The following KDM4C variants were observed in gnomAD, a reference collection of about 807,000 sequenced individuals.
KDM4C encodes the protein lysine-specific demethylase 4C.
In KDM4C, 81 loss-of-function variants were observed where a neutral mutation model predicts 129.3. The observed-to-expected ratio is 0.63, with a 90% CI of 0.52 to 0.75. The LOEUF (loss-of-function observed/expected upper bound fraction) is 0.75, where lower values mean the gene tolerates loss of function less well. KDM4C is among the 30% of genes least tolerant of loss of function. KDM4C has a pLI of 0.00. For missense variants in KDM4C, 1,457 were observed against 1,304.0 expected, an observed-to-expected ratio of 1.12 and a Z score of -1.81; for synonymous variants, 573 against 456.1, an observed-to-expected ratio of 1.26 and a Z score of -3.26.
chr9:6,807,425 C>A (rs891513199), intron 3 of KDM4C, among the ~76,000 whole-genome samples: 1 of 144,974 alleles, frequency 6.9e-6, no homozygotes, highest in South Asian at 2.2e-4. Context: ...GCCATCCCAT[C>A]TAGGAAGTGA....
chr9:6,869,526 T>G (rs549326886), intron 5 of KDM4C, among the ~76,000 whole-genome samples: 1 of 152,360 alleles, frequency 6.6e-6, no homozygotes, highest in East Asian at 1.9e-4. Context: ...GGAATAATAC[T>G]GCTCACAGTG....
chr9:6,839,629 G>A (rs2129776271), intron 4 of KDM4C, among the ~76,000 whole-genome samples: 1 of 152,224 alleles, frequency 6.6e-6, no homozygotes, highest in South Asian at 2.1e-4. Context: ...ACATGTGGCT[G>A]GGCATGGTGG....
chr9:6,925,929 T>C (rs994769060), intron 8 of KDM4C, among the ~76,000 whole-genome samples: 5 of 152,138 alleles, frequency 3.3e-5, no homozygotes, highest in African/African-American at 4.8e-5. Context: ...GCTTGGGATA[T>C]TAGGATTAGC....
intron 18 of KDM4C, among the ~76,000 whole-genome samples, chr9:7,112,892 T>A (rs7021692): frequency 6.6e-6 from 1 of 151,948 alleles, no homozygotes; most frequent in African/African-American, 2.4e-5. Context: ...GTTTTGCCGA[T>A]GATAGAATTG....
rs923733723 is a variant in KDM4C at position 6,748,120 on chromosome 9, C to T, written c.49+27123C>T. On this transcript the variant is annotated intron_variant, in intron 1 of 17. Transcript: ENST00000536108. ...GGCAGAGGTTGCAGTGAGCAGAGAT[C>T]GCACCACTGCACTCCAGCCTGAGTA... Among the ~76,000 whole-genome samples the T allele has an allele frequency of 2.5e-4, 38 of 151,072 alleles. 1 individual carries two copies. Among genetic ancestry groups the T allele is most frequent in the Non-Finnish European group, 2.1e-4 (14 of 67,874 alleles).
At chr9:6,750,141 G>A (rs1224618320) in intron 1 of KDM4C, among the ~76,000 whole-genome samples, 1 of 151,570 alleles carries the variant, frequency 6.6e-6, no homozygotes, top group Non-Finnish European at 1.5e-5. Context: ...ATTTCTTAGA[G>A]GTAAGACAGC....
chr9:6,785,223 A>G (rs1825212137), intron 1 of KDM4C, among the ~76,000 whole-genome samples: 1 of 152,110 alleles, frequency 6.6e-6, no homozygotes, highest in Non-Finnish European at 1.5e-5. Context: ...CCTTTGTTGT[A>G]GTTTCTTGTG....
intron 4 of KDM4C, among the ~76,000 whole-genome samples, chr9:6,831,128 C>T (rs1417648842): frequency 6.6e-6 from 1 of 152,040 alleles, no homozygotes; most frequent in Non-Finnish European, 1.5e-5. Flanking sequence ...ATCCACTAGT[C>T]AGTGGGGGAA....
At chr9:6,745,379 G>C (rs1045476415) in intron 1 of KDM4C, among the ~76,000 whole-genome samples, 1 of 151,918 alleles carries the variant, frequency 6.6e-6, no homozygotes, top group Non-Finnish European at 1.5e-5. Context: ...CAGGAAGATC[G>C]CTTGAGCACA....
chr9:6,818,035 G>C (rs768449120), intron 4 of KDM4C, among the ~76,000 whole-genome samples: 10 of 152,080 alleles, frequency 6.6e-5, no homozygotes, highest in Non-Finnish European at 1.5e-4. Flanking sequence ...AAAGTGCTGG[G>C]ATTACAGGTG....
At chr9:6,914,052 A>G (rs1267012743) in intron 8 of KDM4C, among the ~76,000 whole-genome samples, 2 of 152,106 alleles carry the variant, frequency 1.3e-5, no homozygotes, top group Non-Finnish European at 2.9e-5. Context: ...ACAACATAGT[A>G]CATTTTGTAT....
At chr9:6,757,548 G>T, upstream of KDM4C, 1 of 839,298 alleles carries the variant, frequency 1.2e-6, no homozygotes, top group Non-Finnish European at 1.4e-6. Flanking sequence ...CATCGCCGGA[G>T]AGCTGCGAGC....
At chr9:6,830,777 A>G (rs138864621) in intron 4 of KDM4C, among the ~76,000 whole-genome samples, 261 of 152,342 alleles carry the variant, frequency 1.7e-3, no homozygotes, top group African/African-American at 5.9e-3. Context: ...TTTATGAAGA[A>G]TAAAAGGGAA....
chr9:6,763,371 A>G (rs1819963052), intron 1 of KDM4C, among the ~76,000 whole-genome samples: 1 of 152,192 alleles, frequency 6.6e-6, no homozygotes, highest in Non-Finnish European at 1.5e-5. Context: ...CAGGAAGCTC[A>G]GCTCAGTTGT....
chr9:6,777,749 G>T (rs1340168463), intron 1 of KDM4C, among the ~76,000 whole-genome samples: 1 of 151,622 alleles, frequency 6.6e-6, no homozygotes, highest in Non-Finnish European at 1.5e-5. Context: ...CTAATCAAAT[G>T]TAACATTCTT....
upstream of KDM4C, chr9:6,757,674 G>T (rs1397604139): frequency 1.0e-6 from 1 of 985,412 alleles, no homozygotes; most frequent in Non-Finnish European, 1.2e-6. Context: ...AGGAGGACGT[G>T]TGGCGCGTGG....
chr9:6,975,669 G>T (rs1832797486), intron 8 of KDM4C, among the ~76,000 whole-genome samples: 1 of 152,142 alleles, frequency 6.6e-6, no homozygotes, highest in Non-Finnish European at 1.5e-5. Flanking sequence ...GTAGCTCATG[G>T]TTAAGTATAG....
At chr9:7,005,910 A>G (rs1821582967) in intron 12 of KDM4C, among the ~76,000 whole-genome samples, 1 of 152,246 alleles carries the variant, frequency 6.6e-6, no homozygotes, top group African/African-American at 2.4e-5. Context: ...GCAGAGCTCT[A>G]CACTTAAAGC....
At chr9:6,884,587 A>G (rs192028826) in intron 6 of KDM4C, among the ~76,000 whole-genome samples, 7 of 152,344 alleles carry the variant, frequency 4.6e-5, no homozygotes, top group Non-Finnish European at 1.0e-4. Flanking sequence ...AAAATTGTAA[A>G]GAAAAATTTT....
Sources: gnomAD v4.1 joint callset for allele counts (sites outside exome capture counted in the v4.1 genomes callset) on GRCh38, gnomAD v4.1.1 for gene constraint, MANE v1.5 for transcripts, NCBI Gene and HGNC (gene_info 2026-07-23, HGNC 2026-07-21) for gene names.